The following BORCS5 variants were observed in gnomAD, a reference collection of about 807,000 sequenced individuals.
BORCS5 encodes BLOC-1-related complex subunit 5.
Under a neutral mutation model 22.1 loss-of-function variants are expected in BORCS5, and 17 were observed. The ratio of observed to expected loss-of-function variants is 0.77; its 90% confidence interval spans 0.53 to 1.15. The LOEUF is 1.15. Ranked by LOEUF, BORCS5 falls within the 50% of genes most tolerant of loss-of-function variation. BORCS5 has a pLI of 0.00. For missense variants in BORCS5, 247 were observed against 253.2 expected (o/e 0.98, Z 0.17); for synonymous variants, 117 against 99.8 (o/e 1.17, Z -1.03).
At position 12,422,979 on chromosome 12, in the gene BORCS5, G is replaced by T. The variant is rs548719682; in HGVS notation, c.203-12649G>T. On this transcript the variant is annotated intron_variant, in intron 2 of 3. Transcript: ENST00000314565. ...TTACAAAAACCCCTGTAAATACATG[G>T]GCTTTTTTTTTTTTATTTTTTATTT... 2.2e-5 allele frequency among the ~76,000 whole-genome samples: 3 copies of T among 133,440 alleles called. No individual in the cohort carries two copies. In the East Asian group the frequency reaches 6.3e-4, roughly 28 times the overall value. 87.5% of individuals were successfully genotyped at this position (133,440 alleles called of 152,430 possible).
At chr12:12,368,286 T>G (rs188782063) in intron 2 of BORCS5, among the ~76,000 whole-genome samples, 279 of 152,140 alleles carry the variant, frequency 1.8e-3, no homozygotes, top group East Asian at 8.9e-3. Context: ...GTTTTGTTTT[T>G]TTTTTTTTAA....
intron 3 of BORCS5, chr12:12,452,268 A>C: frequency 2.6e-6 from 2 of 775,618 alleles, no homozygotes; most frequent in South Asian, 1.3e-5. Flanking sequence ...TTGTGCACCA[A>C]TTTGTGTAAC....
In BORCS5 at chr12:12,470,655, A is replaced by G. The variant is rs753869298; in HGVS notation, c.*4879A>G. ...GAAAGGTTGGGGACTGCTGTCATAA[A>G]TAACATTGAATTTCATGTGGGTTTT... On this transcript the variant is annotated 3_prime_UTR_variant, in exon 4 of 4. Coordinates refer to ENST00000314565, the MANE Select transcript of BORCS5 (RefSeq NM_058169.6). Among the ~76,000 whole-genome samples the G allele has an allele frequency of 1.3e-4, 19 of 142,470 alleles. No individual in the cohort carries two copies. The highest frequency in any genetic ancestry group is 1.8e-4 in the Non-Finnish European group (12 of 65,890). 93.5% of individuals were successfully genotyped at this position (142,470 alleles called of 152,430 possible).
intron 3 of BORCS5, chr12:12,452,514 G>A: frequency 2.3e-6 from 1 of 434,564 alleles, no homozygotes; most frequent in Non-Finnish European, 4.7e-6. Context: ...GTAGGCACTG[G>A]GGGCCAGGGT....
At chr12:12,435,479 A>G (rs1241457784) in intron 2 of BORCS5, 149 bp from the exon 3 acceptor site, 3 of 711,138 alleles carry the variant, frequency 4.2e-6, no homozygotes, top group African/African-American at 1.8e-5. Context: ...CCCATAAATA[A>G]TAATTGCAAC....
Position 12,357,375 on chromosome 12 carries a change from G to T in BORCS5, c.-77G>T. 1.3e-6 allele frequency: 2 copies of T among 1,553,054 alleles called. No homozygotes were observed. Among genetic ancestry groups the T allele is most frequent in the Non-Finnish European group, 1.7e-6 (2 of 1,145,090 alleles). On this transcript the variant is annotated 5_prime_UTR_variant, in exon 1 of 4. Coordinates refer to ENST00000314565, the MANE Select transcript of BORCS5 (RefSeq NM_058169.6). Reference sequence around the variant, plus strand: ...CTTTGCCTCCCCGTCCCGGTCCCTGGCCCCTGCCCTGTCGCCCGCCGCCGG... The same window carrying T: ...CTTTGCCTCCCCGTCCCGGTCCCTGTCCCCTGCCCTGTCGCCCGCCGCCGG...
chr12:12,458,104 A>G (rs1055740443), intron 3 of BORCS5, among the ~76,000 whole-genome samples: 11 of 152,196 alleles, frequency 7.2e-5, no homozygotes, highest in Admixed American at 7.2e-4. Flanking sequence ...TGTCTGGGTA[A>G]CATCTGCCTA....
At chr12:12,418,931 CT>C (rs1057242596) in intron 2 of BORCS5, among the ~76,000 whole-genome samples, 12 of 151,834 alleles carry the variant, frequency 7.9e-5, no homozygotes, top group African/African-American at 2.2e-4. Context: ...TGCCTTATAG[CT>C]TTTTTTTGTT....
At position 12,357,144 on chromosome 12, in the gene BORCS5, G is replaced by T; in HGVS notation, c.-308G>T. On this transcript the variant is annotated 5_prime_UTR_variant, in exon 1 of 4. Coordinates refer to ENST00000314565, the MANE Select transcript of BORCS5 (RefSeq NM_058169.6). ...GTGAGTGAAAGCGGCGCCGCCCGCCGGCCGCAGGTGCGGCAAAGCCAGTGT... is the reference window on the plus strand; with the variant it reads ...GTGAGTGAAAGCGGCGCCGCCCGCCTGCCGCAGGTGCGGCAAAGCCAGTGT... The T allele has an allele frequency of 6.5e-7, 1 of 1,533,182 alleles. No homozygotes were observed. The highest frequency in any genetic ancestry group is 8.7e-7 in the Non-Finnish European group (1 of 1,145,696). 95.0% of individuals were successfully genotyped at this position (1,533,182 alleles called of 1,614,324 possible).
At chr12:12,399,551 CA>C (rs2136070770) in intron 2 of BORCS5, among the ~76,000 whole-genome samples, 1 of 152,232 alleles carries the variant, frequency 6.6e-6, no homozygotes, top group South Asian at 2.1e-4. Flanking sequence ...AAGACCATAA[CA>C]AAGAAACAGG....
At chr12:12,450,450 C>G (rs1269758945) in intron 3 of BORCS5, among the ~76,000 whole-genome samples, 1 of 152,124 alleles carries the variant, frequency 6.6e-6, no homozygotes, top group Non-Finnish European at 1.5e-5. Flanking sequence ...CAGTTTATTC[C>G]CTTTGGTCTC....
At chr12:12,413,943 C>T (rs1404332247) in intron 2 of BORCS5, among the ~76,000 whole-genome samples, 1 of 56,686 alleles carries the variant, frequency 1.8e-5, no homozygotes, top group African/African-American at 1.1e-4. Context: ...GCTGACCCCC[C>T]CACCTCCCTC....
chr12:12,463,195 G>T (rs766136514), intron 3 of BORCS5, among the ~76,000 whole-genome samples: 25 of 152,196 alleles, frequency 1.6e-4, no homozygotes, highest in Non-Finnish European at 3.1e-4. Context: ...GCATGTGTCT[G>T]GGGGTTCGTG....
chr12:12,368,321 T>G (rs1863448794), intron 2 of BORCS5, among the ~76,000 whole-genome samples: 1 of 151,992 alleles, frequency 6.6e-6, no homozygotes, highest in South Asian at 2.1e-4. Context: ...TCTATTCCTC[T>G]CTGCACAGCA....
intron 2 of BORCS5, among the ~76,000 whole-genome samples, chr12:12,420,117 G>A (rs1218868950): frequency 1.3e-5 from 2 of 149,486 alleles, no homozygotes; most frequent in Non-Finnish European, 3.0e-5. Context: ...TGAAGTCCTT[G>A]CCCATGCCTA....
intron 3 of BORCS5, among the ~76,000 whole-genome samples, chr12:12,440,123 A>C (rs1942651798): frequency 6.6e-6 from 1 of 152,240 alleles, no homozygotes; most frequent in South Asian, 2.1e-4. Flanking sequence ...TGATCACTTA[A>C]GTCTGGATCA....
intron 3 of BORCS5, 80 bp from the exon 4 acceptor site, chr12:12,465,466 C>T (rs1342942337): frequency 1.6e-6 from 2 of 1,235,542 alleles, no homozygotes; most frequent in South Asian, 1.3e-5. Flanking sequence ...GGGACTGTGT[C>T]CCTCACAGGC....
chr12:12,466,037 G>T lies in BORCS5; in HGVS notation c.*261G>T, dbSNP rs60542358. 698 of 439,838 alleles carry T rather than the reference G, an allele frequency of 1.6e-3. 6 individuals carry two copies. Among genetic ancestry groups the T allele is most frequent in the African/African-American group, 0.013 (637 of 49,542 alleles). The allele number at this position is 439,838 out of a possible 1,614,324, so 27.2% of individuals were successfully genotyped here. A position where few individuals can be genotyped will look rare whatever the true frequency, so the allele number is the denominator to read the frequency against. ...TGTGAATTATTAGGAATTCTTTGAA[G>T]AACTCTGCATTGAGAATTATTTTTA... On this transcript the variant is annotated 3_prime_UTR_variant, in exon 4 of 4. Coordinates refer to ENST00000314565, the MANE Select transcript of BORCS5 (RefSeq NM_058169.6).
In BORCS5 at chr12:12,357,504, C is replaced by T. The variant is rs573853353; in HGVS notation, c.53C>T (p.Ser18Phe). The change falls in exon 1 of 4, where the codon TCC (serine) becomes TTC (phenylalanine). Residue 18 changes from serine (S) to phenylalanine (F), a missense_variant. Coordinates refer to ENST00000314565, the MANE Select transcript of BORCS5 (RefSeq NM_058169.6). ...GAGAGCCGACCCAACGATCTGAACT[C>T]CTCAGGTCGGTGTCCTAACCTCCCA... ...EAESRPNDLNSSVTPSPAKHR... is the reference protein window; with the variant it reads ...EAESRPNDLNFSVTPSPAKHR... The T allele has an allele frequency of 3.7e-6, 6 of 1,609,134 alleles. No homozygotes were observed. The highest frequency in any genetic ancestry group is 1.6e-4 in the Middle Eastern group (1 of 6,072).
Sources: allele counts gnomAD v4.1 joint callset (sites outside exome capture counted in the v4.1 genomes callset), GRCh38; gene constraint gnomAD v4.1.1; transcripts MANE v1.5; gene names NCBI Gene and HGNC (gene_info 2026-07-23, HGNC 2026-07-21).